The following CLCN5 variants were observed in gnomAD, a reference collection of about 807,000 sequenced individuals.
CLCN5 encodes H(+)/Cl(-) exchange transporter 5.
In CLCN5, 17 loss-of-function variants were observed where a neutral mutation model predicts 54.0. The ratio of observed to expected loss-of-function variants is 0.31; its 90% CI spans 0.22 to 0.47. The LOEUF (loss-of-function observed/expected upper bound fraction) is 0.47, where lower values mean the gene tolerates loss of function less well. Among genes scored for constraint, CLCN5 ranks in the 20% least tolerant of loss-of-function variants. The pLI, the probability that CLCN5 is intolerant of heterozygous loss-of-function variation, is 1.00. For synonymous variants in CLCN5, 222 were observed against 233.0 expected, an observed-to-expected ratio of 0.95 and a Z score of 0.43; for missense variants, 448 against 646.7, an observed-to-expected ratio of 0.69 and a Z score of 3.33.
intron 3 of CLCN5, among the ~76,000 whole-genome samples, chrX:50,020,910 T>C (rs374595174): frequency 2.8e-5 from 1 of 35,385 alleles, no homozygotes; most frequent in Admixed American, 3.4e-4. Flanking sequence ...AGTCAGGTAG[T>C]GTGATGCCTC....
chrX:50,090,100 G>A lies in CLCN5; in HGVS notation c.1745-16G>A. The A allele has an allele frequency of 8.3e-7, 1 of 1,208,867 alleles. No individual in the cohort carries two copies. Among genetic ancestry groups the A allele is most frequent in the Non-Finnish European group, 1.1e-6 (1 of 893,383 alleles). ...TATTTTGCCTACCTGAGTAGACTGT[G>A]TCTATTTCTTTGCAGGTGGGGTGAC... On this transcript the variant is annotated splice_polypyrimidine_tract_variant and intron_variant, in intron 12 of 14. Transcript: ENST00000376091.
intron 4 of CLCN5, among the ~76,000 whole-genome samples, chrX:50,047,379 T>TA (rs781860718): frequency 0.013 from 1,403 of 109,845 alleles, 22 homozygotes; most frequent in African/African-American, 0.045. Flanking sequence ...CTTTTGAACT[T>TA]AAAAAAAAAG....
Position 50,081,701 on chromosome X carries a change from A to G in CLCN5, c.787A>G (p.Ile263Val), listed in dbSNP as rs782534905. The stretch of plus-strand genomic sequence containing the variant: ...CTATTTGGGTAAGTGGACTCTGGTT[A>G]TCAAAACCATCACCTTGGTGCTGGC... Reference protein sequence around the residue: ...RGYLGKWTLVIKTITLVLAVS... With the variant: ...RGYLGKWTLVVKTITLVLAVS... The change falls in exon 9 of 15, where the codon ATC (isoleucine) becomes GTC (valine). Residue 263 changes from isoleucine to valine, a missense_variant. Coordinates refer to ENST00000376091, the MANE Select transcript of CLCN5 (RefSeq NM_001127898.4). 1 of 1,211,063 alleles carries G rather than the reference A, an allele frequency of 8.3e-7. No homozygotes were observed. Among genetic ancestry groups the G allele is most frequent in the Non-Finnish European group, 1.1e-6 (1 of 894,998 alleles).
At chrX:49,969,330 A>C (rs782713314) in intron 3 of CLCN5, among the ~76,000 whole-genome samples, 10 of 112,188 alleles carry the variant, frequency 8.9e-5, no homozygotes, top group Non-Finnish European at 1.7e-4. Flanking sequence ...TGCCTGCCTC[A>C]GCCTCCCAAA....
intron 4 of CLCN5, among the ~76,000 whole-genome samples, chrX:50,062,626 A>G (rs1360516721): frequency 1.1e-5 from 1 of 91,376 alleles, no homozygotes; most frequent in African/African-American, 5.2e-5. Flanking sequence ...AAGGATACCC[A>G]GGAACTGAAC....
At chrX:49,929,544 A>G (rs1338890597) in intron 3 of CLCN5, among the ~76,000 whole-genome samples, 2 of 112,100 alleles carry the variant, frequency 1.8e-5, no homozygotes, top group African/African-American at 3.2e-5. Flanking sequence ...TAGCACTTCA[A>G]ATTAATGAAA....
At chrX:50,006,412 G>GTATGTTA (rs1381969560) in intron 3 of CLCN5, among the ~76,000 whole-genome samples, 89 of 112,029 alleles carry the variant, frequency 7.9e-4, no homozygotes, top group African/African-American at 2.7e-3. Flanking sequence ...AGAGCAGAGA[G>GTATGTTA]TGCCTGTCAC....
rs1161463111 is a variant in CLCN5 at position 49,982,566 on chromosome X, A to G, written c.16+57252A>G. Among the ~76,000 whole-genome samples, 3 of 111,872 alleles carry G rather than the reference A, an allele frequency of 2.7e-5. No homozygotes were observed. The East Asian group carries it at 8.3e-4, about 31-fold the overall frequency. ...AAAAGAGGAGTATACTGAGTTACAT[A>G]CACATAAAGGCTAGCCCCCTCTTAA... On this transcript the variant is annotated intron_variant, in intron 3 of 14. Transcript: ENST00000376091.
chrX:49,950,157 A>G lies in CLCN5; in HGVS notation c.16+24843A>G, dbSNP rs1306121439. 3.6e-5 allele frequency among the ~76,000 whole-genome samples: 4 copies of G among 111,757 alleles called. No homozygotes were observed. The South Asian group carries it at 1.5e-3, about 42-fold the overall frequency. On this transcript the variant is annotated intron_variant, in intron 3 of 14. Coordinates refer to ENST00000376091, the MANE Select transcript of CLCN5 (RefSeq NM_001127898.4). Reference sequence around the variant, plus strand: ...CTGGATGGCATTTCTCTAAGCTACCATTTTGAAGAATGTTGCTCTTTGGAC... The same window carrying G: ...CTGGATGGCATTTCTCTAAGCTACCGTTTTGAAGAATGTTGCTCTTTGGAC...
chrX:49,973,313 G>GT (rs1928314150), intron 3 of CLCN5, among the ~76,000 whole-genome samples: 2 of 111,590 alleles, frequency 1.8e-5, no homozygotes, highest in Middle Eastern at 4.7e-3. Context: ...CCATTTCTCT[G>GT]TTTTTTATTC....
intron 3 of CLCN5, among the ~76,000 whole-genome samples, chrX:49,984,357 C>T (rs1300246810): frequency 9.0e-6 from 1 of 111,651 alleles, no homozygotes; most frequent in African/African-American, 3.3e-5. Context: ...GAAATAGGAA[C>T]AATCTATAAT....
At chrX:50,063,465 G>T (rs1932898493) in intron 4 of CLCN5, among the ~76,000 whole-genome samples, 1 of 108,143 alleles carries the variant, frequency 9.2e-6, no homozygotes, top group South Asian at 3.8e-4. Flanking sequence ...CCAGGAAGAA[G>T]TTGAGTCTCT....
intron 3 of CLCN5, among the ~76,000 whole-genome samples, chrX:49,966,426 A>G (rs1927852350): frequency 9.2e-6 from 1 of 108,684 alleles, no homozygotes; most frequent in South Asian, 4.2e-4. Context: ...CCTGATAGTG[A>G]TAACTTGTGT....
intron 3 of CLCN5, among the ~76,000 whole-genome samples, chrX:50,005,119 TG>T (rs1930090118): frequency 9.0e-6 from 1 of 111,637 alleles, no homozygotes. Flanking sequence ...TGGAAGAAAG[TG>T]GGCCATTCAT....
chrX:49,997,524 A>G (rs1388354866), intron 3 of CLCN5, among the ~76,000 whole-genome samples: 1 of 110,762 alleles, frequency 9.0e-6, no homozygotes, highest in Admixed American at 9.6e-5. Flanking sequence ...CTTCCAAATA[A>G]TAATAAACTC....
rs1183119871 is a variant in CLCN5 at position 50,086,408 on chromosome X, C to T, written c.1095C>T (p.Ile365=). 1 of 1,208,917 alleles carries T rather than the reference C, an allele frequency of 8.3e-7. No individual in the cohort carries two copies. The highest frequency in any genetic ancestry group is 1.1e-6 in the Non-Finnish European group (1 of 894,676). Residue 365 remains isoleucine (I), a synonymous_variant, in exon 11 of 15, where the codon ATC becomes ATT. Coordinates refer to ENST00000376091, the MANE Select transcript of CLCN5 (RefSeq NM_001127898.4). ...TGGCAGCATTCACTCTACGCTCCAT[C>T]AATCCATTTGGGAACAGCCGCCTGG... ...ALVAAFTLRS[I]NPFGNSRLVL... is the part of the protein sequence containing the mutation.
chrX:50,084,128 C>G (rs1031517207), intron 9 of CLCN5, among the ~76,000 whole-genome samples: 1 of 111,891 alleles, frequency 8.9e-6, no homozygotes, highest in African/African-American at 3.2e-5. Flanking sequence ...CTTAGATGGT[C>G]TAGCCTACTA....
In CLCN5 at chrX:50,097,719, G is replaced by T. The variant is rs1335813414; in HGVS notation, c.*5500G>T. 1 of 111,393 alleles carries T rather than the reference G, an allele frequency of 9.0e-6. No individual in the cohort carries two copies. The highest frequency in any genetic ancestry group is 1.9e-5 in the Non-Finnish European group (1 of 53,112). 9.2% of individuals were successfully genotyped at this position (111,393 alleles called of 1,213,427 possible). A position where few individuals can be genotyped will look rare whatever the true frequency, so the allele number is the denominator to read the frequency against. Reference sequence around the variant, plus strand: ...TGGACTTTGTGGGAGGGAGAGGATTGTTCTGAGAACAGAAACTGGAAGATA... The same window carrying T: ...TGGACTTTGTGGGAGGGAGAGGATTTTTCTGAGAACAGAAACTGGAAGATA... On this transcript the variant is annotated 3_prime_UTR_variant, in exon 15 of 15. Transcript: ENST00000376091.
chrX:50,001,164 C>T (rs1209519283), intron 3 of CLCN5, among the ~76,000 whole-genome samples: 1 of 110,536 alleles, frequency 9.0e-6, no homozygotes, highest in Non-Finnish European at 1.9e-5. Flanking sequence ...CCAGTTCCTC[C>T]ACTTGTATAC....
Sources: gnomAD v4.1 joint callset for allele counts (sites outside exome capture counted in the v4.1 genomes callset) on GRCh38, gnomAD v4.1.1 for gene constraint, MANE v1.5 for transcripts, NCBI Gene and HGNC (gene_info 2026-07-23, HGNC 2026-07-21) for gene names.